Variants in PLXNA2 observed in about 807,000 individuals in gnomAD.
The protein encoded by PLXNA2 is plexin A2.
A neutral mutation model predicts 193.5 loss-of-function variants in PLXNA2; 91 were observed. That is an observed-to-expected ratio of 0.47 (90% CI 0.40 to 0.56). The LOEUF is 0.56. PLXNA2 is among the 20% of genes least tolerant of loss of function. PLXNA2 has a pLI of 0.00. For synonymous variants in PLXNA2, 997 were observed against 1,027.3 expected (o/e 0.97, Z 0.56); for missense variants, 1,995 against 2,503.2 (o/e 0.80, Z 4.33).
intron 6 of PLXNA2, 126 bp downstream of exon 6, chr1:208,098,719 TA>T: frequency 9.0e-7 from 1 of 1,116,618 alleles, no homozygotes. Context: ...GCTATAAACA[TA>T]AAGTCTCCTT....
At chr1:208,101,635 G>A (rs969517498) in intron 5 of PLXNA2, among the ~76,000 whole-genome samples, 2 of 152,208 alleles carry the variant, frequency 1.3e-5, no homozygotes, top group Admixed American at 6.5e-5. Context: ...GCGGCAGCGG[G>A]GAGGCCCAGG....
At chr1:208,054,343 G>C (rs1665356785) in intron 14 of PLXNA2, 78 bp downstream of exon 14, 2 of 955,656 alleles carry the variant, frequency 2.1e-6, no homozygotes, top group East Asian at 4.9e-5. Flanking sequence ...GAGGGGAGTG[G>C]GGGCTTCCTG....
chr1:208,105,701 C>T (rs963589630), intron 4 of PLXNA2, among the ~76,000 whole-genome samples: 2 of 152,202 alleles, frequency 1.3e-5, no homozygotes, highest in African/African-American at 4.8e-5. Context: ...TGGTGACTAT[C>T]AGCCCTCTGG....
intron 17 of PLXNA2, among the ~76,000 whole-genome samples, chr1:208,049,833 CA>C (rs2102332300): frequency 6.6e-6 from 1 of 152,294 alleles, no homozygotes; most frequent in African/African-American, 2.4e-5. Context: ...GGAAATGTGT[CA>C]GGGGTAAGAG....
chr1:208,214,815 G>C (rs1356433104), intron 2 of PLXNA2, among the ~76,000 whole-genome samples: 1 of 152,160 alleles, frequency 6.6e-6, no homozygotes, highest in Non-Finnish European at 1.5e-5. Context: ...CCATCTCACA[G>C]ATAAGAATGT....
chr1:208,167,771 G>A (rs188510678), intron 3 of PLXNA2, among the ~76,000 whole-genome samples: 79 of 152,270 alleles, frequency 5.2e-4, no homozygotes, highest in Non-Finnish European at 9.6e-4. Flanking sequence ...TACAAATTGT[G>A]GTTATTTAGC....
rs1284987194 is a variant in PLXNA2, at chr1:208,060,702, A to T, written c.2722T>A (p.Tyr908Asn). 1 of 1,613,648 alleles carries T rather than the reference A, an allele frequency of 6.2e-7. No individual in the cohort carries two copies. Among genetic ancestry groups the T allele is most frequent in the Non-Finnish European group, 8.5e-7 (1 of 1,179,822 alleles). Residue 908 changes from tyrosine (Y) to asparagine (N), a missense_variant, in exon 13 of 32, where the codon TAC becomes AAC. Physicochemically the swap from Tyr to Asn is moderately radical, Grantham distance 143. This residue lies in a region of PLXNA2 where 1,291 missense variants were observed against 1,673.6 expected (regional missense o/e 0.77). Coordinates refer to ENST00000367033, the MANE Select transcript of PLXNA2 (RefSeq NM_025179.4). Reference sequence around the variant, plus strand: ...CGGACTCACTGCTCAGCGATGATGTATTCCCCTGGGAGGGGCGTGCAGGGC... The same window carrying T: ...CGGACTCACTGCTCAGCGATGATGTTTTCCCCTGGGAGGGGCGTGCAGGGC... ...GVPCTPLPGEYIIAEQIVCEM... is the reference protein window; with the variant it reads ...GVPCTPLPGENIIAEQIVCEM...
In PLXNA2 at chr1:208,038,585, G is replaced by A; in HGVS notation, c.4661-111C>T. ...CCTGGCAACCCGGCCCCCTCAAGCT[G>A]GTACCAATAACAGAGGCTAGAGACA... On this transcript the variant is annotated intron_variant, in intron 25 of 31. Transcript: ENST00000367033. The surrounding 1 kb of genome is among the most constrained non-coding windows in gnomAD (Gnocchi z 4.1). 1 of 908,128 alleles carries A rather than the reference G, an allele frequency of 1.1e-6. No homozygotes were observed. The highest frequency in any genetic ancestry group is 1.8e-6 in the Non-Finnish European group (1 of 559,876). 56.3% of individuals were successfully genotyped at this position (908,128 alleles called of 1,614,324 possible).
At chr1:208,110,608 C>G (rs1455342458) in intron 4 of PLXNA2, among the ~76,000 whole-genome samples, 2 of 152,246 alleles carry the variant, frequency 1.3e-5, no homozygotes, top group Admixed American at 1.3e-4. Context: ...CTTACACCAA[C>G]CTTTCCAGGG....
chr1:208,207,682 A>G (rs1670779349), intron 3 of PLXNA2, among the ~76,000 whole-genome samples: 1 of 151,970 alleles, frequency 6.6e-6, no homozygotes, highest in South Asian at 2.1e-4. Context: ...GGCCTGGACC[A>G]TAGTAGGGTT....
intron 4 of PLXNA2, among the ~76,000 whole-genome samples, chr1:208,113,976 G>A (rs1487161083): frequency 2.0e-5 from 3 of 152,186 alleles, no homozygotes; most frequent in African/African-American, 7.2e-5. Context: ...GCTCGGGTAA[G>A]AGCATCTTTG....
chr1:208,051,179 C>T (rs1242249405), intron 16 of PLXNA2, 77 bp from the exon 17 acceptor site: 33 of 1,593,682 alleles, frequency 2.1e-5, no homozygotes, highest in Non-Finnish European at 2.7e-5. Context: ...TTAGGGATCC[C>T]TCTCATGAGC....
chr1:208,030,754 C>T (rs1018490154), intron 29 of PLXNA2: 12 of 985,312 alleles, frequency 1.2e-5, no homozygotes, highest in African/African-American at 1.7e-5. Context: ...GCCTGCCCAA[C>T]CCAAATGCCT....
At chr1:208,205,526 C>G (rs532345490) in intron 3 of PLXNA2, among the ~76,000 whole-genome samples, 1 of 152,342 alleles carries the variant, frequency 6.6e-6, no homozygotes, top group African/African-American at 2.4e-5. Flanking sequence ...CCAAAGCCCA[C>G]ACCCAGGGGA....
At chr1:208,218,710 G>A (rs778548421) in intron 1 of PLXNA2, among the ~76,000 whole-genome samples, 4 of 152,188 alleles carry the variant, frequency 2.6e-5, no homozygotes, top group Non-Finnish European at 5.9e-5. Flanking sequence ...AACAAGACTG[G>A]GATTCCCACA....
chr1:208,189,900 GAGA>G (rs1271772280), intron 3 of PLXNA2, among the ~76,000 whole-genome samples: 5 of 151,778 alleles, frequency 3.3e-5, no homozygotes, highest in Admixed American at 3.3e-4. Context: ...GGTTGGCAGA[GAGA>G]AGATCTTTAT....
intron 26 of PLXNA2, among the ~76,000 whole-genome samples, chr1:208,037,521 G>A (rs1271377922): frequency 2.0e-5 from 3 of 152,140 alleles, no homozygotes; most frequent in African/African-American, 7.2e-5. Flanking sequence ...CGATCCCACG[G>A]GTCTTGCAGC....
chr1:208,224,173 G>A (rs1394023819), intron 1 of PLXNA2, among the ~76,000 whole-genome samples: 3 of 152,170 alleles, frequency 2.0e-5, no homozygotes, highest in East Asian at 1.9e-4. Flanking sequence ...GGGTAATGCC[G>A]ACGGCTGAAA....
chr1:208,055,470 T>G (rs144120214), intron 13 of PLXNA2, among the ~76,000 whole-genome samples: 127 of 151,014 alleles, frequency 8.4e-4, no homozygotes, highest in African/African-American at 3.0e-3. Flanking sequence ...TGGTCGGGCC[T>G]GGGCTGGGTG....
Sources: gnomAD v4.1 joint callset for allele counts (sites outside exome capture counted in the v4.1 genomes callset) on GRCh38, gnomAD v4.1.1 for gene constraint, gnomAD v4.1.1 regional missense constraint, Gnocchi (gnomAD v3.1) non-coding constraint, MANE v1.5 for transcripts, NCBI Gene and HGNC (gene_info 2026-07-23, HGNC 2026-07-21) for gene names.